The following FOXO1 variants were observed in gnomAD, a reference collection of about 807,000 sequenced individuals.
FOXO1 encodes the protein forkhead box protein O1.
FOXO1 carries 6 observed loss-of-function variants against 44.1 expected under a neutral mutation model. The ratio of observed to expected loss-of-function variants is 0.14; its 90% confidence interval spans 0.07 to 0.27. FOXO1 has a LOEUF of 0.27. Ranked by LOEUF, FOXO1 falls within the 10% of genes least tolerant of loss-of-function variation. FOXO1 has a pLI of 1.00. For synonymous variants in FOXO1, 380 were observed against 362.7 expected (o/e 1.05, Z -0.54); for missense variants, 737 against 888.8 (o/e 0.83, Z 2.17).
rs202007776 is a variant in FOXO1, at chr13:40,559,976, T to G, written c.1515A>C (p.Ser505=). 354 of 1,614,158 alleles carry G rather than the reference T, an allele frequency of 2.2e-4. 1 individual carries two copies. In the Middle Eastern group the frequency reaches 4.0e-3, roughly 18 times the overall value. ...NVMMGPNSVM[S]TYGSQASHNK... ...TATGAGATGCCTGGCTGCCATAGGTTGACATGACCGAATTAGGGCCCATCA... is the reference window on the plus strand; with the variant it reads ...TATGAGATGCCTGGCTGCCATAGGTGGACATGACCGAATTAGGGCCCATCA... The change falls in exon 2 of 3, where the codon TCA becomes TCC. Residue 505 remains serine, a synonymous_variant. Coordinates refer to ENST00000379561, the MANE Select transcript of FOXO1 (RefSeq NM_002015.4).
intron 1 of FOXO1, among the ~76,000 whole-genome samples, chr13:40,638,071 TA>T (rs1390411195): frequency 6.6e-6 from 1 of 152,220 alleles, no homozygotes; most frequent in South Asian, 2.1e-4. Flanking sequence ...TTTTGTATTT[TA>T]AAAAATTCTT....
At chr13:40,577,939 A>C (rs1874821687) in intron 1 of FOXO1, among the ~76,000 whole-genome samples, 1 of 152,168 alleles carries the variant, frequency 6.6e-6, no homozygotes, top group Non-Finnish European at 1.5e-5. Context: ...TGGCTGGAAC[A>C]AACTTACTTC....
chr13:40,599,726 G>A (rs1331551847), intron 1 of FOXO1, among the ~76,000 whole-genome samples: 1 of 152,168 alleles, frequency 6.6e-6, no homozygotes, highest in Admixed American at 6.5e-5. Context: ...GGCCTCGGAG[G>A]GGTGGTAGAG....
intron 1 of FOXO1, among the ~76,000 whole-genome samples, chr13:40,614,858 CTT>C (rs1375656072): frequency 6.6e-6 from 1 of 152,202 alleles, no homozygotes; most frequent in African/African-American, 2.4e-5. Flanking sequence ...ACTTAACACA[CTT>C]TGTTATAAAG....
At chr13:40,616,752 G>A (rs919939306) in intron 1 of FOXO1, among the ~76,000 whole-genome samples, 5 of 152,110 alleles carry the variant, frequency 3.3e-5, no homozygotes, top group Non-Finnish European at 7.4e-5. Flanking sequence ...GGGGTGTGGA[G>A]GGAAGAAGGC....
At chr13:40,604,699 A>G (rs1225391300) in intron 1 of FOXO1, among the ~76,000 whole-genome samples, 1 of 152,188 alleles carries the variant, frequency 6.6e-6, no homozygotes. Context: ...AGACAACTCT[A>G]TATTTTTTTA....
chr13:40,646,242 G>A (rs1161549948), intron 1 of FOXO1, among the ~76,000 whole-genome samples: 5 of 151,544 alleles, frequency 3.3e-5, no homozygotes, highest in African/African-American at 1.2e-4. Flanking sequence ...TTTGAGGGGT[G>A]TGAAGGAATT....
chr13:40,658,417 G>C (rs1877923859), intron 1 of FOXO1, among the ~76,000 whole-genome samples: 1 of 152,186 alleles, frequency 6.6e-6, no homozygotes, highest in South Asian at 2.1e-4. Flanking sequence ...CCCAACTGGG[G>C]ACCTTGAAAT....
At position 40,629,165 on chromosome 13, in the gene FOXO1, A is replaced by G. The variant is rs184907710; in HGVS notation, c.630+36418T>C. Among the ~76,000 whole-genome samples, 10 of 151,166 alleles carry G rather than the reference A, an allele frequency of 6.6e-5. No homozygotes were observed. The East Asian group carries it at 1.9e-3, about 29-fold the overall frequency. On this transcript the variant is annotated intron_variant, in intron 1 of 2. Transcript: ENST00000379561. ...ATGACTTTTTTTTTTTTTTTCAGAC[A>G]GAGTTTCACTCTTGTTGCCCAGGCT...
intron 1 of FOXO1, among the ~76,000 whole-genome samples, chr13:40,606,989 C>T (rs1387827382): frequency 6.6e-6 from 1 of 152,202 alleles, no homozygotes; most frequent in African/African-American, 2.4e-5. Flanking sequence ...TTTGCCTTTC[C>T]CTTCAGACTT....
chr13:40,570,365 G>A (rs1440485308), intron 1 of FOXO1, among the ~76,000 whole-genome samples: 1 of 151,766 alleles, frequency 6.6e-6, no homozygotes, highest in Non-Finnish European at 1.5e-5. Context: ...AGGAGGTCAA[G>A]GAGTGTAAGA....
chr13:40,619,554 A>G (rs1876540312), intron 1 of FOXO1: 1 of 1,412,808 alleles, frequency 7.1e-7, no homozygotes, highest in Non-Finnish European at 1.0e-6. Context: ...GAGATTATAC[A>G]AACATTCCAC....
intron 1 of FOXO1, among the ~76,000 whole-genome samples, chr13:40,568,750 CA>C (rs1262508861): frequency 6.6e-6 from 1 of 152,092 alleles, no homozygotes; most frequent in Non-Finnish European, 1.5e-5. Context: ...CTATACCCCC[CA>C]CTGCTACCCC....
intron 1 of FOXO1, among the ~76,000 whole-genome samples, chr13:40,572,169 A>T (rs1874549280): frequency 6.6e-6 from 1 of 152,232 alleles, no homozygotes; most frequent in Non-Finnish European, 1.5e-5. Flanking sequence ...AAACTTTGAC[A>T]GATTAAAATC....
rs770526416 is a variant in FOXO1, at chr13:40,559,494, T to C, written c.*14+15A>G. ...CTATTTTTCAAAAGGTCTTTTGATA[T>C]TGGGGTGAACTTACCTGCTCACTAA... On this transcript the variant is annotated intron_variant, in intron 2 of 2. Coordinates refer to ENST00000379561, the MANE Select transcript of FOXO1 (RefSeq NM_002015.4). The C allele has an allele frequency of 2.0e-6, 3 of 1,533,464 alleles. No individual in the cohort carries two copies. Among genetic ancestry groups the C allele is most frequent in the Admixed American group, 2.1e-5 (1 of 47,076 alleles). 95.0% of individuals were successfully genotyped at this position (1,533,464 alleles called of 1,614,324 possible). A position where few individuals can be genotyped will look rare whatever the true frequency, so the allele number is the denominator to read the frequency against.
chr13:40,580,962 G>A (rs1299033217), intron 1 of FOXO1, among the ~76,000 whole-genome samples: 2 of 152,172 alleles, frequency 1.3e-5, no homozygotes, highest in South Asian at 2.1e-4. Flanking sequence ...AATACCCGGC[G>A]CTTCCGCTAG....
At chr13:40,586,113 C>G (rs1250882444) in intron 1 of FOXO1, among the ~76,000 whole-genome samples, 1 of 152,234 alleles carries the variant, frequency 6.6e-6, no homozygotes, top group Non-Finnish European at 1.5e-5. Context: ...GGCTAAAACT[C>G]TGGATCACAA....
intron 1 of FOXO1, among the ~76,000 whole-genome samples, chr13:40,659,750 C>T (rs889205080): frequency 2.6e-5 from 4 of 152,104 alleles, no homozygotes; most frequent in African/African-American, 9.7e-5. Flanking sequence ...CAACTATTGG[C>T]GGTGCTTAAC....
chr13:40,643,924 C>T (rs572087597), intron 1 of FOXO1, among the ~76,000 whole-genome samples: 4 of 152,248 alleles, frequency 2.6e-5, no homozygotes, highest in African/African-American at 4.8e-5. Context: ...ATGCTAGTAC[C>T]GCAGTGATGT....
Sources: allele counts gnomAD v4.1 joint callset (sites outside exome capture counted in the v4.1 genomes callset), GRCh38; gene constraint gnomAD v4.1.1; transcripts MANE v1.5; gene names NCBI Gene and HGNC (gene_info 2026-07-23, HGNC 2026-07-21).